INCENP: variants seen among roughly 807,000 people sequenced by gnomAD.
INCENP encodes binds and activates aurora-B and -C in vivo and in vitro.
In INCENP, 43 loss-of-function variants were observed where a neutral mutation model predicts 107.3. That is an observed-to-expected ratio of 0.40 (90% CI 0.31 to 0.52). The LOEUF (loss-of-function observed/expected upper bound fraction) is 0.52, where lower values mean the gene tolerates loss of function less well. Ranked by LOEUF, INCENP falls within the 20% of genes least tolerant of loss-of-function variation. The pLI is 0.53. For missense variants in INCENP, 1,089 were observed against 1,250.9 expected (o/e 0.87, Z 1.95); for synonymous variants, 488 against 494.4 (o/e 0.99, Z 0.17).
Position 62,130,433 on chromosome 11 carries a change from G to T in INCENP, c.906G>T (p.Ser302=), listed in dbSNP as rs776360227. The T allele has an allele frequency of 1.2e-6, 2 of 1,613,808 alleles. No homozygotes were observed. Among genetic ancestry groups the T allele is most frequent in the Non-Finnish European group, 1.7e-6 (2 of 1,180,038 alleles). Residue 302 remains serine, a synonymous_variant, in exon 4 of 19, where the codon TCG becomes TCT. Coordinates refer to ENST00000394818, the MANE Select transcript of INCENP (RefSeq NM_001040694.2). ...TPTGSRTDSQ[S]VRHSPIAPSS... ...CGGGCTCTCGCACGGACTCTCAATC[G>T]GTGCGGCACAGCCCGATCGCCCCGT...
At position 62,140,921 on chromosome 11, in the gene INCENP, G is replaced by A. The variant is rs772034118; in HGVS notation, c.1470G>A (p.Arg490=). The stretch of plus-strand genomic sequence containing the variant: ...CTGGTCCTCGTCTGCAGGTGGTACG[G>A]CCCCTCCGGACCTTTCTGCACACAG... ...SSPCPASKVV[R]PLRTFLHTVQ... is the part of the protein sequence containing the mutation. Residue 490 remains arginine, a synonymous_variant, in exon 10 of 19, where the codon CGG becomes CGA. Coordinates refer to ENST00000394818, the MANE Select transcript of INCENP (RefSeq NM_001040694.2). 1.2e-6 allele frequency: 2 copies of A among 1,614,162 alleles called. No individual in the cohort carries two copies. The highest frequency in any genetic ancestry group is 1.7e-6 in the Non-Finnish European group (2 of 1,180,022).
chr11:62,138,710 C>A lies in INCENP; in HGVS notation c.1116-3C>A. ...CCCCTCAGAGTCCCTCTTCTGTTTT[C>A]AGTTCTGAGCAGAAGGAACCCCCCG... is the stretch of plus-strand genomic sequence containing the variant. On this transcript the variant is annotated splice_region_variant and splice_polypyrimidine_tract_variant and intron_variant, in intron 5 of 18. Coordinates refer to ENST00000394818, the MANE Select transcript of INCENP (RefSeq NM_001040694.2). 3.1e-6 allele frequency: 5 copies of A among 1,613,972 alleles called. No homozygotes were observed. The highest frequency in any genetic ancestry group is 4.2e-6 in the Non-Finnish European group (5 of 1,179,890).
At chr11:62,137,111 T>G (rs1049477967) in intron 4 of INCENP, among the ~76,000 whole-genome samples, 1 of 152,126 alleles carries the variant, frequency 6.6e-6, no homozygotes, top group Non-Finnish European at 1.5e-5. Context: ...CCCAGCACTT[T>G]GGGAGGCCGA....
rs773013796 is a variant in INCENP, at chr11:62,148,573, C to T, written c.2283+19C>T. ...GAAGAAGGTGAGGGGAGCTGGGTTG[C>T]GGGCTCCCCTGGGGTCTGCCCTGAG... On this transcript the variant is annotated intron_variant, in intron 16 of 18. Transcript: ENST00000394818. 23 of 1,591,106 alleles carry T rather than the reference C, an allele frequency of 1.4e-5. No individual in the cohort carries two copies. The highest frequency in any genetic ancestry group is 5.4e-5 in the African/African-American group (4 of 74,536).
Position 62,130,029 on chromosome 11 carries a change from G to A in INCENP, c.502G>A (p.Val168Met), listed in dbSNP as rs1173467860. Reference protein sequence around the residue: ...DNHTQCQLVPVVEIGISERQN... With the variant: ...DNHTQCQLVPMVEIGISERQN... ...CCACACCCAGTGCCAGCTGGTGCCT[G>A]TGGTGGAGATCGGCATCAGTGAGCG... The change falls in exon 4 of 19, where the codon GTG becomes ATG. Residue 168 changes from valine to methionine, a missense_variant. Coordinates refer to ENST00000394818, the MANE Select transcript of INCENP (RefSeq NM_001040694.2). 1 of 1,614,042 alleles carries A rather than the reference G, an allele frequency of 6.2e-7. No homozygotes were observed. Among genetic ancestry groups the A allele is most frequent in the Non-Finnish European group, 8.5e-7 (1 of 1,180,010 alleles).
chr11:62,152,374 T>G lies in INCENP; in HGVS notation c.*398T>G, dbSNP rs1012310440. On this transcript the variant is annotated 3_prime_UTR_variant, in exon 19 of 19. Coordinates refer to ENST00000394818, the MANE Select transcript of INCENP (RefSeq NM_001040694.2). ...ACTGGGCGCCTCAGTCCCAGCCCTGTAGCTGTGTGTCTTGGGCCACCAGTG... is the reference window on the plus strand; with the variant it reads ...ACTGGGCGCCTCAGTCCCAGCCCTGGAGCTGTGTGTCTTGGGCCACCAGTG... 9.2e-6 allele frequency: 2 copies of G among 217,782 alleles called. No individual in the cohort carries two copies. The highest frequency in any genetic ancestry group is 1.8e-5 in the Non-Finnish European group (2 of 109,212). 13.5% of individuals were successfully genotyped at this position (217,782 alleles called of 1,614,324 possible). A position where few individuals can be genotyped will look rare whatever the true frequency, so the allele number is the denominator to read the frequency against.
intron 14 of INCENP, among the ~76,000 whole-genome samples, chr11:62,146,428 G>A (rs889988585): frequency 6.6e-6 from 1 of 152,250 alleles, no homozygotes; most frequent in Non-Finnish European, 1.5e-5. Context: ...TTGGCTCCGA[G>A]GTTCCTTTCT....
chr11:62,151,475 A>C (rs533767774), intron 18 of INCENP, among the ~76,000 whole-genome samples: 11 of 152,364 alleles, frequency 7.2e-5, no homozygotes, highest in Admixed American at 2.6e-4. Context: ...GAATGGGAGA[A>C]TACAGAACCT....
intron 1 of INCENP, among the ~76,000 whole-genome samples, chr11:62,125,664 T>G (rs1943733241): frequency 6.6e-6 from 1 of 152,236 alleles, no homozygotes; most frequent in African/African-American, 2.4e-5. Flanking sequence ...CAGATTAAGT[T>G]TATTTGGTGC....
intron 11 of INCENP, among the ~76,000 whole-genome samples, chr11:62,142,534 C>G (rs1944147058): frequency 6.6e-6 from 1 of 152,220 alleles, no homozygotes; most frequent in African/African-American, 2.4e-5. Context: ...AGTTAGGAGA[C>G]CAGGGGGCTA....
rs1565092081 is a variant in INCENP at position 62,130,526 on chromosome 11, C to A, written c.999C>A (p.Arg333=). 1.9e-6 allele frequency: 3 copies of A among 1,614,060 alleles called. No individual in the cohort carries two copies. The African/African-American group carries it at 4.0e-5, about 21-fold the overall frequency. ...TGGCCAAACAGGAAAGTGTTGTCCG[C>A]AGGGCGAGCAGAAGGCTTGCCAAGA... ...SLVAKQESVV[R]RASRRLAKKT... Residue 333 remains arginine, a synonymous_variant, in exon 4 of 19, where the codon CGC becomes CGA. Transcript: ENST00000394818.
chr11:62,128,028 GC>G, intron 1 of INCENP, 122 bp from the exon 2 acceptor site: 1 of 872,840 alleles, frequency 1.1e-6, no homozygotes, highest in South Asian at 1.5e-5. Flanking sequence ...GCAGAGAGGG[GC>G]CCTGGTTCGG....
In INCENP at chr11:62,146,898, G is replaced by C. The variant is rs780709537; in HGVS notation, c.2200G>C (p.Glu734Gln). Residue 734 changes from glutamate to glutamine, a missense_variant, in exon 15 of 19, where the codon GAG (glutamate) becomes CAG (glutamine). Coordinates refer to ENST00000394818, the MANE Select transcript of INCENP (RefSeq NM_001040694.2). ...GCGGGAGCAGGAGCGGCTCCAGGCC[G>C]AGAGGTGAGGGACCTGCTGGCCCGC... is the stretch of plus-strand genomic sequence containing the variant. ...RRREQERLQA[E>Q]RELQEREKAL... is the part of the protein sequence containing the mutation. 3.1e-6 allele frequency: 5 copies of C among 1,601,096 alleles called. No homozygotes were observed. The highest frequency in any genetic ancestry group is 1.7e-6 in the Non-Finnish European group (2 of 1,178,700).
rs1944399007 is a variant in INCENP at position 62,152,572 on chromosome 11, TTG to T, written c.*597_*598del. The T allele has an allele frequency of 6.5e-6, 1 of 152,952 alleles. No individual in the cohort carries two copies. The highest frequency in any genetic ancestry group is 1.9e-4 in the East Asian group (1 of 5,188). 9.5% of individuals were successfully genotyped at this position (152,952 alleles called of 1,614,324 possible). A position where few individuals can be genotyped will look rare whatever the true frequency, so the allele number is the denominator to read the frequency against. ...GGCAGGTGGAGCTCCTTCCTATTTT[TTG>T]GGGTGCTCCCTGTTTGTAAAGGGGA... On this transcript the variant is annotated 3_prime_UTR_variant, in exon 19 of 19. Transcript: ENST00000394818.
At chr11:62,148,886 G>A in intron 17 of INCENP, 40 bp downstream of exon 17, 6 of 1,348,990 alleles carry the variant, frequency 4.4e-6, no homozygotes, top group Non-Finnish European at 6.2e-6. Flanking sequence ...TCAGGTGGAG[G>A]GGCCCACTCT....
rs768700733 is a variant in INCENP at position 62,146,691 on chromosome 11, CAGA to C, written c.2002_2004del (p.Lys668del). Reference sequence around the variant, plus strand: ...AGAGCGGCGGCACCAAGAGCTGCTGCAGAAGAAGAAGGAAGAGGAGCAGGAGCG... The same window carrying C: ...AGAGCGGCGGCACCAAGAGCTGCTGCAGAAGAAGGAAGAGGAGCAGGAGCG... On this transcript the variant is annotated inframe_deletion, in exon 15 of 19. Transcript: ENST00000394818. The C allele has an allele frequency of 2.2e-4, 342 of 1,550,796 alleles. No individual in the cohort carries two copies. Among genetic ancestry groups the C allele is most frequent in the Non-Finnish European group, 2.7e-4 (315 of 1,146,878 alleles).
rs1590625630 is a variant in INCENP at position 62,145,554 on chromosome 11, A to G, written c.1837-75A>G. 3 of 1,508,124 alleles carry G rather than the reference A, an allele frequency of 2.0e-6. No individual in the cohort carries two copies. The African/African-American group carries it at 4.2e-5, about 21-fold the overall frequency. 93.4% of individuals were successfully genotyped at this position (1,508,124 alleles called of 1,614,324 possible). ...TGTGCAGGGGCAGGTGGGGCCTGTC[A>G]CACACAGTTCTGGGCTCCACTCTGC... On this transcript the variant is annotated intron_variant, in intron 13 of 18. Coordinates refer to ENST00000394818, the MANE Select transcript of INCENP (RefSeq NM_001040694.2).
chr11:62,141,499 G>A lies in INCENP; in HGVS notation c.1594-1G>A. On this transcript the variant is annotated splice_acceptor_variant, in intron 10 of 18. Coordinates refer to ENST00000394818, the MANE Select transcript of INCENP (RefSeq NM_001040694.2). LOFTEE classifies it high-confidence loss of function. ...TGCCTTTTCCCTTGTCTCCTCCACA[G>A]TGCAGCTTCGTCGTAAGTAAAGCCT... 3 of 1,614,030 alleles carry A rather than the reference G, an allele frequency of 1.9e-6. No homozygotes were observed. Among genetic ancestry groups the A allele is most frequent in the Non-Finnish European group, 2.5e-6 (3 of 1,179,892 alleles).
chr11:62,140,691 C>T lies in INCENP; in HGVS notation c.1344-13C>T, dbSNP rs776294875. 49 of 1,549,494 alleles carry T rather than the reference C, an allele frequency of 3.2e-5. No homozygotes were observed. Among genetic ancestry groups the T allele is most frequent in the South Asian group, 5.9e-5 (5 of 84,462 alleles). ...CGGGCTGCCCTGTGATGCCGCCGCC[C>T]GCGCCTTGGCAGGAGGAAGCGCAGC... On this transcript the variant is annotated splice_polypyrimidine_tract_variant and intron_variant, in intron 8 of 18. Coordinates refer to ENST00000394818, the MANE Select transcript of INCENP (RefSeq NM_001040694.2).
Sources: gnomAD v4.1 joint callset for allele counts (sites outside exome capture counted in the v4.1 genomes callset) on GRCh38, gnomAD v4.1.1 for gene constraint, MANE v1.5 for transcripts, NCBI Gene and HGNC (gene_info 2026-07-23, HGNC 2026-07-21) for gene names.